The following CTNNA2 variants were observed in gnomAD, a reference collection of about 807,000 sequenced individuals.
The protein encoded by CTNNA2 is catenin alpha-2.
In CTNNA2, 42 loss-of-function variants were observed where a neutral mutation model predicts 101.0. The ratio of observed to expected loss-of-function variants is 0.42; its 90% CI spans 0.32 to 0.54. The LOEUF (loss-of-function observed/expected upper bound fraction) is 0.54, where lower values mean the gene tolerates loss of function less well. Among genes scored for constraint, CTNNA2 ranks in the 20% least tolerant of loss-of-function variants. The pLI is 0.14. For missense variants in CTNNA2, 871 were observed against 1,223.1 expected (o/e 0.71, Z 4.29); for synonymous variants, 450 against 456.4 (o/e 0.99, Z 0.18).
At chr2:80,050,917 C>T (rs543427558) in intron 7 of CTNNA2, among the ~76,000 whole-genome samples, 136 of 152,192 alleles carry the variant, frequency 8.9e-4, no homozygotes, top group Non-Finnish European at 1.5e-3. Flanking sequence ...GCGATGGAGT[C>T]TCACTATGTT....
At chr2:79,341,108 C>T (rs978484770) in intron 3 of CTNNA2, among the ~76,000 whole-genome samples, 3 of 151,892 alleles carry the variant, frequency 2.0e-5, no homozygotes, top group Non-Finnish European at 4.4e-5. Context: ...GATGAGGAAA[C>T]TGAGGCTTAC....
chr2:80,536,430 A>G (rs1311409108), intron 9 of CTNNA2, among the ~76,000 whole-genome samples: 1 of 152,074 alleles, frequency 6.6e-6, no homozygotes, highest in Non-Finnish European at 1.5e-5. Flanking sequence ...TGCTTTATGG[A>G]CCTTCGAATT....
intron 4 of CTNNA2, among the ~76,000 whole-genome samples, chr2:79,412,596 C>T (rs1678427970): frequency 1.3e-5 from 2 of 151,974 alleles, no homozygotes; most frequent in African/African-American, 4.8e-5. Context: ...GAAACTCACT[C>T]AAAACCGCTC....
At chr2:79,311,376 T>G (rs961984944) in intron 2 of CTNNA2, among the ~76,000 whole-genome samples, 9 of 127,338 alleles carry the variant, frequency 7.1e-5, no homozygotes, top group Non-Finnish European at 9.3e-5. Flanking sequence ...ACCACTGCAC[T>G]CCAGCCTGGG....
intron 7 of CTNNA2, among the ~76,000 whole-genome samples, chr2:80,222,422 T>C: frequency 6.6e-6 from 1 of 152,154 alleles, no homozygotes; most frequent in South Asian, 2.1e-4. Flanking sequence ...TCTTATATAA[T>C]GCAAAGAGAA....
intron 1 of CTNNA2, among the ~76,000 whole-genome samples, chr2:79,542,329 T>G (rs1195525452): frequency 6.6e-6 from 1 of 152,232 alleles, no homozygotes; most frequent in Non-Finnish European, 1.5e-5. Context: ...AGTAAAAGAT[T>G]TATCCTAAAA....
intron 2 of CTNNA2, among the ~76,000 whole-genome samples, chr2:79,711,392 A>C (rs1156425907): frequency 6.6e-6 from 1 of 152,146 alleles, no homozygotes; most frequent in East Asian, 1.9e-4. Flanking sequence ...CATCTGATTA[A>C]TAGCTTTTGA....
At chr2:79,389,479 T>C (rs1205588723) in intron 4 of CTNNA2, among the ~76,000 whole-genome samples, 1 of 152,226 alleles carries the variant, frequency 6.6e-6, no homozygotes, top group African/African-American at 2.4e-5. Flanking sequence ...GAAAGACTTT[T>C]GCACATTTTA....
intron 7 of CTNNA2, among the ~76,000 whole-genome samples, chr2:79,914,462 C>T (rs963715202): frequency 1.3e-5 from 2 of 152,140 alleles, no homozygotes; most frequent in Non-Finnish European, 2.9e-5. Context: ...CTTCTTTATG[C>T]ACAATTCATG....
chr2:80,599,559 T>C (rs1417921035), intron 15 of CTNNA2, among the ~76,000 whole-genome samples: 1 of 152,150 alleles, frequency 6.6e-6, no homozygotes, highest in Non-Finnish European at 1.5e-5. Flanking sequence ...CTATTTTTTT[T>C]CTATTTCCCT....
chr2:79,809,017 C>G (rs1355154683), intron 3 of CTNNA2, among the ~76,000 whole-genome samples: 1 of 152,156 alleles, frequency 6.6e-6, no homozygotes, highest in Non-Finnish European at 1.5e-5. Flanking sequence ...TCAACTCCCA[C>G]TTATGAGTGA....
At chr2:80,045,755 C>T (rs985210880) in intron 7 of CTNNA2, among the ~76,000 whole-genome samples, 2 of 151,964 alleles carry the variant, frequency 1.3e-5, no homozygotes, top group Non-Finnish European at 2.9e-5. Flanking sequence ...GTTGTACCAT[C>T]AGGATCGAGG....
chr2:79,865,773 G>A (rs540114305), intron 4 of CTNNA2, among the ~76,000 whole-genome samples: 1 of 152,332 alleles, frequency 6.6e-6, no homozygotes, highest in Admixed American at 6.5e-5. Context: ...AGGCTGGAGT[G>A]CAGTGGCGCG....
At chr2:79,916,716 G>T (rs1257730272) in intron 7 of CTNNA2, among the ~76,000 whole-genome samples, 1 of 151,624 alleles carries the variant, frequency 6.6e-6, no homozygotes, top group Non-Finnish European at 1.5e-5. Flanking sequence ...GCTAGTAGCT[G>T]GGACAACAGG....
At chr2:79,889,949 C>T (rs1366662690) in intron 6 of CTNNA2, among the ~76,000 whole-genome samples, 1 of 152,156 alleles carries the variant, frequency 6.6e-6, no homozygotes, top group African/African-American at 2.4e-5. Context: ...TTCTATGTGA[C>T]AGGAGAAATT....
At chr2:80,189,329 G>A (rs761816171) in intron 7 of CTNNA2, among the ~76,000 whole-genome samples, 1 of 152,202 alleles carries the variant, frequency 6.6e-6, no homozygotes, top group South Asian at 2.1e-4. Flanking sequence ...AATGCTGAGT[G>A]CTGATTCTCT....
intron 7 of CTNNA2, among the ~76,000 whole-genome samples, chr2:80,068,179 A>C (rs936174105): frequency 5.9e-5 from 9 of 152,234 alleles, no homozygotes; most frequent in Non-Finnish European, 1.0e-4. Flanking sequence ...AGGACCCAGC[A>C]GGCAGAGGCT....
intron 7 of CTNNA2, among the ~76,000 whole-genome samples, chr2:79,997,329 G>C (rs893267919): frequency 6.6e-6 from 1 of 150,980 alleles, no homozygotes; most frequent in South Asian, 2.1e-4. Flanking sequence ...GAGAGGGAGG[G>C]AGGGAAGGAA....
chr2:80,641,809 A>AT (rs796325435), intron 18 of CTNNA2, among the ~76,000 whole-genome samples: 21 of 152,196 alleles, frequency 1.4e-4, no homozygotes, highest in African/African-American at 5.1e-4. Flanking sequence ...ATTAATATTG[A>AT]TTTTAAAGGT....
Sources: allele counts gnomAD v4.1 joint callset (sites outside exome capture counted in the v4.1 genomes callset), GRCh38; gene constraint gnomAD v4.1.1; transcripts MANE v1.5; gene names NCBI Gene and HGNC (gene_info 2026-07-23, HGNC 2026-07-21).